Variants in GRIK4 observed in about 807,000 individuals in gnomAD.
GRIK4 encodes glutamate receptor ionotropic, kainate 4.
GRIK4 carries 40 observed loss-of-function variants against 104.9 expected under a neutral mutation model. The ratio of observed to expected loss-of-function variants is 0.38; its 90% CI spans 0.30 to 0.50. The LOEUF (loss-of-function observed/expected upper bound fraction) is 0.50. Among genes scored for constraint, GRIK4 ranks in the 20% least tolerant of loss-of-function variants. The pLI is 0.93. For synonymous variants in GRIK4, 485 were observed against 524.9 expected, an observed-to-expected ratio of 0.92 and a Z score of 1.04; for missense variants, 1,047 against 1,308.1, an observed-to-expected ratio of 0.80 and a Z score of 3.08.
At position 120,537,856 on chromosome 11, in the gene GRIK4, A is replaced by C. The variant is rs188528474; in HGVS notation, c.-159+25969A>C. 3.9e-3 allele frequency among the ~76,000 whole-genome samples: 590 copies of C among 152,266 alleles called. 2 individuals carry two copies. The highest frequency in any genetic ancestry group is 7.3e-3 in the Non-Finnish European group (499 of 67,998). Reference sequence around the variant, plus strand: ...ACACATACTTGTTTGTTCTTAAAAAAAAAAAAAAGAAACCAACAAACAAAC... The same window carrying C: ...ACACATACTTGTTTGTTCTTAAAAACAAAAAAAAGAAACCAACAAACAAAC... On this transcript the variant is annotated intron_variant, in intron 1 of 20. Coordinates refer to ENST00000527524, the MANE Select transcript of GRIK4 (RefSeq NM_014619.5).
intron 1 of GRIK4, among the ~76,000 whole-genome samples, chr11:120,554,332 A>C (rs1056589860): frequency 6.6e-6 from 1 of 152,194 alleles, no homozygotes; most frequent in Non-Finnish European, 1.5e-5. Context: ...GTGAAAGCCC[A>C]TGCAGCATCT....
chr11:120,909,030 G>C (rs555895661), intron 13 of GRIK4, among the ~76,000 whole-genome samples: 3 of 152,226 alleles, frequency 2.0e-5, no homozygotes, highest in Non-Finnish European at 4.4e-5. Context: ...CTGGAGGCTC[G>C]AGGACAGGGT....
At chr11:120,523,284 G>A (rs1947817270) in intron 1 of GRIK4, among the ~76,000 whole-genome samples, 1 of 151,798 alleles carries the variant, frequency 6.6e-6, no homozygotes. Context: ...CAGGTGGGGT[G>A]CAAATTGGCA....
At chr11:120,769,499 A>G (rs1324390859) in intron 3 of GRIK4, among the ~76,000 whole-genome samples, 1 of 152,208 alleles carries the variant, frequency 6.6e-6, no homozygotes, top group African/African-American at 2.4e-5. Flanking sequence ...TTAATTTTAT[A>G]TAATTGTATG....
chr11:120,525,469 T>G (rs1947846094), intron 1 of GRIK4, among the ~76,000 whole-genome samples: 1 of 152,010 alleles, frequency 6.6e-6, no homozygotes, highest in Non-Finnish European at 1.5e-5. Flanking sequence ...CCAGCCCCAT[T>G]CATACTGGGC....
At chr11:120,945,321 C>G (rs1215290068) in intron 14 of GRIK4, among the ~76,000 whole-genome samples, 1 of 152,210 alleles carries the variant, frequency 6.6e-6, no homozygotes, top group African/African-American at 2.4e-5. Flanking sequence ...TATTACAACA[C>G]TTTTAGGTTG....
intron 3 of GRIK4, among the ~76,000 whole-genome samples, chr11:120,777,644 G>A (rs1952069267): frequency 6.6e-6 from 1 of 152,182 alleles, no homozygotes; most frequent in East Asian, 1.9e-4. Flanking sequence ...ATGGACAAAA[G>A]GACAGAATAG....
chr11:120,556,404 A>G (rs1453153449), intron 1 of GRIK4, among the ~76,000 whole-genome samples: 2 of 152,138 alleles, frequency 1.3e-5, no homozygotes, highest in African/African-American at 4.8e-5. Flanking sequence ...CATCACAGCC[A>G]GAGTAAAGCT....
chr11:120,721,656 C>T (rs1950935334), intron 3 of GRIK4, among the ~76,000 whole-genome samples: 1 of 152,072 alleles, frequency 6.6e-6, no homozygotes, highest in African/African-American at 2.4e-5. Flanking sequence ...TGTGTGGTAC[C>T]TGGCCCGGGG....
intron 1 of GRIK4, among the ~76,000 whole-genome samples, chr11:120,572,826 CCTT>C (rs995925165): frequency 1.6e-4 from 25 of 152,224 alleles, no homozygotes; most frequent in African/African-American, 5.8e-4. Context: ...TCCGCTGTTC[CCTT>C]CTTCTGATTG....
At chr11:120,700,040 G>A (rs900850203) in intron 3 of GRIK4, among the ~76,000 whole-genome samples, 3 of 152,156 alleles carry the variant, frequency 2.0e-5, no homozygotes, top group African/African-American at 7.2e-5. Context: ...GTATATTTGG[G>A]GTTTACAGCA....
Position 120,967,342 on chromosome 11 carries a change from A to ATCC in GRIK4, c.2395+27_2395+29dup. On this transcript the variant is annotated intron_variant, in intron 19 of 20. Transcript: ENST00000527524. The surrounding 1 kb of genome is among the most constrained non-coding windows in gnomAD (Gnocchi z 4.2). ...GCTAAAGGTAAGGACGTTCAGGGCC[A>ATCC]TCCTCCTCCTGCCCTAGAGGACCAA... 2 of 1,602,332 alleles carry ATCC rather than the reference A, an allele frequency of 1.2e-6. No individual in the cohort carries two copies. The highest frequency in any genetic ancestry group is 1.7e-6 in the Non-Finnish European group (2 of 1,174,532).
chr11:120,693,982 C>G lies in GRIK4; in HGVS notation c.82+33582C>G, dbSNP rs79240216. ...CACCATTTTCTGTCAGCCCAATTGC[C>G]TTTCATTCCCTCCTGTAGAAATCCA... is the stretch of plus-strand genomic sequence containing the variant. On this transcript the variant is annotated intron_variant, in intron 3 of 20. Coordinates refer to ENST00000527524, the MANE Select transcript of GRIK4 (RefSeq NM_014619.5). 7.8e-3 allele frequency among the ~76,000 whole-genome samples: 1,194 copies of G among 152,294 alleles called. 15 individuals carry two copies. Among genetic ancestry groups the G allele is most frequent in the South Asian group, 0.054 (259 of 4,826 alleles).
chr11:120,608,172 A>G (rs1948985448), intron 1 of GRIK4, among the ~76,000 whole-genome samples: 1 of 152,222 alleles, frequency 6.6e-6, no homozygotes, highest in Non-Finnish European at 1.5e-5. Context: ...GGTCAGAGAT[A>G]GGAGAGGCTG....
rs757574710 is a variant in GRIK4, at chr11:120,832,054, AC to A, written c.690+29del. The stretch of plus-strand genomic sequence containing the variant: ...AGGTGGGAGCCTCCCTCTCTCCCCC[AC>A]CCCCTGCTGAGCTCCACCCTCCCCC... On this transcript the variant is annotated intron_variant, in intron 7 of 20. Coordinates refer to ENST00000527524, the MANE Select transcript of GRIK4 (RefSeq NM_014619.5). The A allele has an allele frequency of 4.4e-6, 6 of 1,363,330 alleles. No individual in the cohort carries two copies. In the Admixed American group the frequency reaches 1.2e-4, roughly 26 times the overall value. The allele number at this position is 1,363,330 out of a possible 1,614,324, so 84.5% of individuals were successfully genotyped here. A position where few individuals can be genotyped will look rare whatever the true frequency, so the allele number is the denominator to read the frequency against.
chr11:120,890,386 G>C (rs1320667667), intron 11 of GRIK4, among the ~76,000 whole-genome samples: 1 of 152,130 alleles, frequency 6.6e-6, no homozygotes, highest in East Asian at 1.9e-4. Context: ...CAACCACTCT[G>C]GGCCCTGGCC....
chr11:120,690,612 G>A (rs1591807613), intron 3 of GRIK4, among the ~76,000 whole-genome samples: 1 of 152,348 alleles, frequency 6.6e-6, no homozygotes, highest in South Asian at 2.1e-4. Context: ...CCTGCAGAGT[G>A]AGAATACCAC....
intron 14 of GRIK4, among the ~76,000 whole-genome samples, chr11:120,945,167 C>A (rs1943828417): frequency 6.6e-6 from 1 of 152,194 alleles, no homozygotes; most frequent in Non-Finnish European, 1.5e-5. Context: ...CCCCTTCCTG[C>A]CTCCTCATCT....
chr11:120,731,792 C>T (rs73012337), intron 3 of GRIK4, among the ~76,000 whole-genome samples: 16,554 of 151,800 alleles, frequency 0.11, 1,729 homozygotes, highest in African/African-American at 0.27. Context: ...TCTTGGAGGC[C>T]GTATCTAGGA....
Sources: allele counts gnomAD v4.1 joint callset (sites outside exome capture counted in the v4.1 genomes callset), GRCh38; gene constraint gnomAD v4.1.1; non-coding constraint Gnocchi (gnomAD v3.1); transcripts MANE v1.5; gene names NCBI Gene and HGNC (gene_info 2026-07-23, HGNC 2026-07-21).